Variants in HMGCLL1 observed in about 807,000 individuals in gnomAD.
HMGCLL1 encodes the protein 3-hydroxy-3-methylglutaryl-CoA lyase like 1.
In HMGCLL1, 36 loss-of-function variants were observed where a neutral mutation model predicts 39.1. The observed-to-expected ratio is 0.92, with a 90% CI of 0.71 to 1.22. The LOEUF (loss-of-function observed/expected upper bound fraction) is 1.22. Among genes scored for constraint, HMGCLL1 ranks in the 50% most tolerant of loss-of-function variants. The pLI, the probability that HMGCLL1 is intolerant of heterozygous loss-of-function variation, is 0.00. For synonymous variants in HMGCLL1, 149 were observed against 144.0 expected (o/e 1.03, Z -0.25); for missense variants, 451 against 416.5 (o/e 1.08, Z -0.72).
At chr6:55,628,155 A>T in the HMGCLL1 span, among the ~76,000 whole-genome samples, 1 of 13,358 alleles carries the variant, frequency 7.5e-5, no homozygotes, top group Admixed American at 1.2e-3. Context: ...TATATATATA[A>T]TATATATATA....
intron 5 of HMGCLL1, among the ~76,000 whole-genome samples, chr6:55,505,870 T>G (rs1767129042): frequency 6.6e-6 from 1 of 151,740 alleles, no homozygotes; most frequent in South Asian, 2.1e-4. Context: ...TGGCATAACC[T>G]CCTTCAGCAA....
At chr6:55,665,038 G>C in the HMGCLL1 span, among the ~76,000 whole-genome samples, 1 of 151,686 alleles carries the variant, frequency 6.6e-6, no homozygotes, top group Non-Finnish European at 1.5e-5. Flanking sequence ...TATTAGAAGT[G>C]AGTCAACAGG....
intron 1 of HMGCLL1, among the ~76,000 whole-genome samples, chr6:55,561,579 C>T (rs978421156): frequency 6.6e-6 from 1 of 152,006 alleles, no homozygotes; most frequent in Non-Finnish European, 1.5e-5. Flanking sequence ...ATGGTGATGC[C>T]GCTGATCCAA....
At chr6:55,666,494 CAT>C in the HMGCLL1 span, among the ~76,000 whole-genome samples, 29 of 151,764 alleles carry the variant, frequency 1.9e-4, no homozygotes, top group South Asian at 1.2e-3. Context: ...AAAAAAATTA[CAT>C]GTTATTGCAT....
At chr6:55,580,024 G>T (rs1413255855), upstream of HMGCLL1, among the ~76,000 whole-genome samples, 2 of 152,108 alleles carry the variant, frequency 1.3e-5, no homozygotes, top group African/African-American at 4.8e-5. Context: ...GAATAGTCTC[G>T]TGCAGGATAC....
chr6:55,493,594 C>T (rs1766424736), intron 7 of HMGCLL1, among the ~76,000 whole-genome samples: 1 of 152,134 alleles, frequency 6.6e-6, no homozygotes, highest in African/African-American at 2.4e-5. Context: ...GGACATAATC[C>T]TCTCCTTCTC....
intron 1 of HMGCLL1, among the ~76,000 whole-genome samples, chr6:55,571,451 A>G (rs1771488888): frequency 6.6e-6 from 1 of 152,230 alleles, no homozygotes; most frequent in Non-Finnish European, 1.5e-5. Flanking sequence ...AGCCTTAAAA[A>G]TAGGAAATGT....
rs1418788464 is a variant in HMGCLL1 at position 55,579,020 on chromosome 6, G to T, written c.36C>A (p.Leu12=). 6 of 1,613,244 alleles carry T rather than the reference G, an allele frequency of 3.7e-6. No homozygotes were observed. Among genetic ancestry groups the T allele is most frequent in the Non-Finnish European group, 4.2e-6 (5 of 1,179,716 alleles). ...GCTCCCGGAGAAGCTGCTGGTAGCT[G>T]AGGCAGTGCTTCACCGCGGATGGCA... ...GNVPSAVKHC[L]SYQQLLREHL... The change falls in exon 1 of 9, where the codon CTC becomes CTA. Residue 12 remains leucine, a synonymous_variant. Coordinates refer to ENST00000274901, the MANE Select transcript of HMGCLL1 (RefSeq NM_001042406.2).
At chr6:55,578,519 C>T (rs1399702036) in intron 1 of HMGCLL1, among the ~76,000 whole-genome samples, 2 of 152,168 alleles carry the variant, frequency 1.3e-5, no homozygotes, top group African/African-American at 4.8e-5. Context: ...TCTTAACCTT[C>T]TACCGGTTTC....
the HMGCLL1 span, among the ~76,000 whole-genome samples, chr6:55,588,891 C>T: frequency 1.9e-4 from 29 of 152,066 alleles, no homozygotes; most frequent in Non-Finnish European, 3.8e-4. Flanking sequence ...CAATAACAGG[C>T]TCTCAAATTG....
chr6:55,439,705 G>C (rs1389927902), intron 7 of HMGCLL1, 146 bp from the exon 8 acceptor site: 1 of 686,996 alleles, frequency 1.5e-6, no homozygotes, highest in Admixed American at 3.0e-5. Flanking sequence ...CCTCTAGAAT[G>C]GTCCCCAGGG....
At chr6:55,529,500 A>G (rs368759269) in intron 3 of HMGCLL1, among the ~76,000 whole-genome samples, 1 of 19,194 alleles carries the variant, frequency 5.2e-5, no homozygotes, top group African/African-American at 1.3e-4. Flanking sequence ...CTGGCTGTGG[A>G]AAAAAAAGGG....
In HMGCLL1 at chr6:55,506,098, A is replaced by G. The variant is rs544954667; in HGVS notation, c.543-6799T>C. On this transcript the variant is annotated intron_variant, in intron 5 of 8. Transcript: ENST00000274901. ...AACTTGAAGGCTGGGTCTTTCTACT[A>G]CATCAGTTGAGCTGTTTACAATGAG... is the stretch of plus-strand genomic sequence containing the variant. Among the ~76,000 whole-genome samples the G allele has an allele frequency of 2.0e-5, 3 of 151,826 alleles. No individual in the cohort carries two copies. In the South Asian group the frequency reaches 6.2e-4, roughly 31 times the overall value.
intron 7 of HMGCLL1, among the ~76,000 whole-genome samples, chr6:55,443,976 A>C (rs1763713188): frequency 6.6e-6 from 1 of 152,154 alleles, no homozygotes; most frequent in Non-Finnish European, 1.5e-5. Context: ...TTATCTTTGA[A>C]GTGTGAATAT....
chr6:55,577,579 T>C (rs1771821534), intron 1 of HMGCLL1, among the ~76,000 whole-genome samples: 1 of 152,076 alleles, frequency 6.6e-6, no homozygotes, highest in Non-Finnish European at 1.5e-5. Context: ...CATCCTTACC[T>C]GCAACCAATC....
the HMGCLL1 span, among the ~76,000 whole-genome samples, chr6:55,651,471 C>A: frequency 4.6e-5 from 7 of 152,050 alleles, no homozygotes; most frequent in African/African-American, 1.7e-4. Flanking sequence ...AAGACAAAGT[C>A]CTCTTTATTC....
the HMGCLL1 span, among the ~76,000 whole-genome samples, chr6:55,614,122 A>G: frequency 6.6e-6 from 1 of 152,142 alleles, no homozygotes. Flanking sequence ...TCATGTGGAA[A>G]TATGCAGATG....
intron 7 of HMGCLL1, among the ~76,000 whole-genome samples, chr6:55,450,442 C>G (rs1764031614): frequency 6.6e-6 from 1 of 152,178 alleles, no homozygotes; most frequent in South Asian, 2.1e-4. Flanking sequence ...AACCTCTGTT[C>G]CCTCAACTGT....
intron 7 of HMGCLL1, among the ~76,000 whole-genome samples, chr6:55,443,331 G>A (rs371739406): frequency 5.3e-5 from 8 of 152,272 alleles, no homozygotes; most frequent in African/African-American, 1.9e-4. Context: ...CAGCCGGATA[G>A]ATGAGAAATG....
Sources: gnomAD v4.1 joint callset for allele counts (sites outside exome capture counted in the v4.1 genomes callset) on GRCh38, gnomAD v4.1.1 for gene constraint, MANE v1.5 for transcripts, NCBI Gene and HGNC (gene_info 2026-07-23, HGNC 2026-07-21) for gene names.